The following VTI1A variants were observed in gnomAD, a reference collection of about 807,000 sequenced individuals.
VTI1A encodes vesicle transport through interaction with t-SNAREs 1A.
In VTI1A, 22 loss-of-function variants were observed where a neutral mutation model predicts 34.9. That is an observed-to-expected ratio of 0.63 (90% CI 0.45 to 0.90). The LOEUF is 0.90. VTI1A is among the 40% of genes least tolerant of loss of function. VTI1A has a pLI of 0.00. For synonymous variants in VTI1A, 87 were observed against 97.3 expected, an observed-to-expected ratio of 0.89 and a Z score of 0.62; for missense variants, 268 against 275.6, an observed-to-expected ratio of 0.97 and a Z score of 0.20.
At chr10:112,648,459 C>T (rs1350878957) in intron 5 of VTI1A, among the ~76,000 whole-genome samples, 1 of 152,166 alleles carries the variant, frequency 6.6e-6, no homozygotes, top group African/African-American at 2.4e-5. Flanking sequence ...AAGCTCAGTG[C>T]ACCAGACTCT....
chr10:112,525,203 T>G (rs1348838900), intron 3 of VTI1A, among the ~76,000 whole-genome samples: 1 of 152,216 alleles, frequency 6.6e-6, no homozygotes, highest in African/African-American at 2.4e-5. Context: ...ACTGACTTCA[T>G]GCTGAGGACT....
chr10:112,648,912 C>T (rs1161208523), intron 5 of VTI1A, among the ~76,000 whole-genome samples: 1 of 151,974 alleles, frequency 6.6e-6, no homozygotes, highest in East Asian at 1.9e-4. Flanking sequence ...TAAATAATTT[C>T]TTTACTCATC....
intron 7 of VTI1A, chr10:112,752,549 CA>C (rs1166866607): frequency 3.0e-6 from 3 of 985,284 alleles, no homozygotes; most frequent in Non-Finnish European, 3.6e-6. Flanking sequence ...GATTCTCCTT[CA>C]GGGGGAACAT....
chr10:112,486,709 TC>T (rs1178208791), intron 3 of VTI1A, among the ~76,000 whole-genome samples: 8 of 131,186 alleles, frequency 6.1e-5, no homozygotes, highest in Non-Finnish European at 1.1e-4. Context: ...AACTGTATAT[TC>T]TAAAGAATAT....
At chr10:112,640,259 A>G (rs1336463356) in intron 5 of VTI1A, among the ~76,000 whole-genome samples, 3 of 152,214 alleles carry the variant, frequency 2.0e-5, no homozygotes, top group African/African-American at 7.2e-5. Flanking sequence ...AGCAATATCT[A>G]TCAATGCCAT....
intron 6 of VTI1A, 123 bp downstream of exon 6, chr10:112,668,411 GT>G: frequency 1.9e-6 from 2 of 1,058,678 alleles, no homozygotes; most frequent in South Asian, 1.6e-5. Flanking sequence ...AGGGTATAAG[GT>G]CTGTGGAAAG....
intron 7 of VTI1A, among the ~76,000 whole-genome samples, chr10:112,814,393 C>T (rs1314365978): frequency 6.6e-6 from 1 of 152,190 alleles, no homozygotes; most frequent in Non-Finnish European, 1.5e-5. Context: ...TGAGAGCGAG[C>T]GTGGGCACGG....
At chr10:112,654,309 A>G (rs1462163390) in intron 5 of VTI1A, among the ~76,000 whole-genome samples, 7 of 152,186 alleles carry the variant, frequency 4.6e-5, no homozygotes, top group African/African-American at 1.4e-4. Context: ...CTTTAATGTC[A>G]TAAGGATAGC....
At chr10:112,814,182 G>T (rs1160626222) in intron 7 of VTI1A, among the ~76,000 whole-genome samples, 3 of 152,168 alleles carry the variant, frequency 2.0e-5, no homozygotes, top group African/African-American at 4.8e-5. Context: ...TCTCTGTTCC[G>T]TGGGGAGCCC....
chr10:112,776,426 G>C (rs1024711861), intron 7 of VTI1A, among the ~76,000 whole-genome samples: 1 of 152,090 alleles, frequency 6.6e-6, no homozygotes, highest in African/African-American at 2.4e-5. Context: ...AACAGGCTCT[G>C]GGCCTTAGCA....
At chr10:112,561,555 A>G (rs1851725935) in intron 5 of VTI1A, among the ~76,000 whole-genome samples, 1 of 152,222 alleles carries the variant, frequency 6.6e-6, no homozygotes, top group Non-Finnish European at 1.5e-5. Flanking sequence ...AAATACTTAA[A>G]TTCATCAACA....
intron 1 of VTI1A, 77 bp downstream of exon 1, chr10:112,447,544 AGT>A (rs1467116049): frequency 9.2e-6 from 14 of 1,519,600 alleles, no homozygotes; most frequent in Admixed American, 1.9e-5. Context: ...CGCCCGAGTA[AGT>A]GTGTCTATGA....
At chr10:112,523,050 A>G (rs545794561) in intron 3 of VTI1A, among the ~76,000 whole-genome samples, 25 of 152,218 alleles carry the variant, frequency 1.6e-4, no homozygotes, top group Admixed American at 6.6e-4. Context: ...CACATGTAGA[A>G]TCATACAGGA....
At chr10:112,678,756 A>T (rs1848115922) in intron 7 of VTI1A, among the ~76,000 whole-genome samples, 1 of 152,238 alleles carries the variant, frequency 6.6e-6, no homozygotes. Context: ...TGGTCGAGCT[A>T]GCTGCTACCC....
downstream of VTI1A, among the ~76,000 whole-genome samples, chr10:112,823,289 G>T (rs1265002726): frequency 6.6e-6 from 1 of 152,240 alleles, no homozygotes; most frequent in Non-Finnish European, 1.5e-5. Context: ...GGACTGTTTA[G>T]ATCGGGGCCG....
chr10:112,728,855 A>G (rs1850142038), intron 7 of VTI1A, among the ~76,000 whole-genome samples: 1 of 152,150 alleles, frequency 6.6e-6, no homozygotes, highest in East Asian at 1.9e-4. Context: ...TTATGTTAGT[A>G]GATTTTTTTT....
rs1844296905 is a variant in VTI1A at position 112,589,466 on chromosome 10, G to A, written c.427+51136G>A. Among the ~76,000 whole-genome samples, 3 of 152,222 alleles carry A rather than the reference G, an allele frequency of 2.0e-5. No individual in the cohort carries two copies. In the South Asian group the frequency reaches 6.2e-4, roughly 32 times the overall value. On this transcript the variant is annotated intron_variant, in intron 5 of 7. Coordinates refer to ENST00000393077, the MANE Select transcript of VTI1A (RefSeq NM_145206.4). ...CCAGCCACATGGAACTGTAAGTCCA[G>A]TAAAGCTCTTTCTTTTGTAAATTGC...
At chr10:112,773,032 A>G (rs1201023873) in intron 7 of VTI1A, among the ~76,000 whole-genome samples, 1 of 152,222 alleles carries the variant, frequency 6.6e-6, no homozygotes. Context: ...AATTACCAAT[A>G]AGGTCGTGAT....
At chr10:112,491,859 T>C (rs1465794603) in intron 3 of VTI1A, among the ~76,000 whole-genome samples, 3 of 152,196 alleles carry the variant, frequency 2.0e-5, no homozygotes, top group Admixed American at 6.5e-5. Context: ...CAGGAGCCTG[T>C]TGGGCATAAA....
Sources: allele counts gnomAD v4.1 joint callset (sites outside exome capture counted in the v4.1 genomes callset), GRCh38; gene constraint gnomAD v4.1.1; transcripts MANE v1.5; gene names NCBI Gene and HGNC (gene_info 2026-07-23, HGNC 2026-07-21).